STK33: variants seen among roughly 807,000 people sequenced by gnomAD.
The protein encoded by STK33 is serine/threonine-protein kinase 33.
A neutral mutation model predicts 58.0 loss-of-function variants in STK33; 52 were observed. That is an observed-to-expected ratio of 0.90 (90% CI 0.72 to 1.13). The LOEUF (loss-of-function observed/expected upper bound fraction) is 1.13, where lower values mean the gene tolerates loss of function less well. STK33 is among the 50% of genes most tolerant of loss of function. The pLI, the probability that STK33 is intolerant of heterozygous loss-of-function variation, is 0.00. For missense variants in STK33, 630 were observed against 604.2 expected, an observed-to-expected ratio of 1.04 and a Z score of -0.45; for synonymous variants, 215 against 200.1, an observed-to-expected ratio of 1.07 and a Z score of -0.63.
At chr11:8,387,746 G>A (rs1047785697), downstream of STK33, among the ~76,000 whole-genome samples, 6 of 152,168 alleles carry the variant, frequency 3.9e-5, no homozygotes, top group Non-Finnish European at 7.4e-5. Flanking sequence ...CCCTGCAAGG[G>A]CATCTTCCTC....
intron 1 of STK33, among the ~76,000 whole-genome samples, chr11:8,577,012 C>T (rs928431346): frequency 5.9e-5 from 9 of 152,106 alleles, no homozygotes; most frequent in Non-Finnish European, 1.2e-4. Context: ...AGCCTCCCAA[C>T]GTGCTGGGAC....
intron 1 of STK33, among the ~76,000 whole-genome samples, chr11:8,528,482 C>A (rs1954243008): frequency 6.6e-6 from 1 of 152,198 alleles, no homozygotes; most frequent in Non-Finnish European, 1.5e-5. Context: ...ATACTCAGGG[C>A]AACTTCAATC....
At chr11:8,401,842 G>A (rs1363036174) in intron 15 of STK33, among the ~76,000 whole-genome samples, 3 of 152,160 alleles carry the variant, frequency 2.0e-5, no homozygotes, top group Admixed American at 6.5e-5. Flanking sequence ...AGACATTTAC[G>A]CAGCCAAAAG....
intron 1 of STK33, among the ~76,000 whole-genome samples, chr11:8,548,133 C>T (rs915510605): frequency 8.0e-5 from 12 of 150,668 alleles, no homozygotes; most frequent in Non-Finnish European, 1.8e-4. Context: ...GCACGTTGTG[C>T]ACATGTACCC....
chr11:8,525,320 A>G (rs1311259223), intron 1 of STK33, among the ~76,000 whole-genome samples: 1 of 152,228 alleles, frequency 6.6e-6, no homozygotes, highest in Non-Finnish European at 1.5e-5. Context: ...ATCTTAAAGA[A>G]GAAAAAGTGG....
At chr11:8,486,384 C>T (rs1488574708) in intron 1 of STK33, among the ~76,000 whole-genome samples, 1 of 151,972 alleles carries the variant, frequency 6.6e-6, no homozygotes, top group African/African-American at 2.4e-5. Context: ...TTTCTCTAGG[C>T]CTTCTTATGT....
intron 1 of STK33, 24 bp from the exon 2 acceptor site, chr11:8,480,638 T>G (rs1949719512): frequency 6.6e-6 from 1 of 151,978 alleles, no homozygotes; most frequent in Non-Finnish European, 1.5e-5. Flanking sequence ...AGATAAAAAA[T>G]AGAAGAAAAA....
At chr11:8,513,162 T>A (rs1952479687) in intron 1 of STK33, among the ~76,000 whole-genome samples, 1 of 152,088 alleles carries the variant, frequency 6.6e-6, no homozygotes, top group Admixed American at 6.6e-5. Flanking sequence ...AAGCAAGGAG[T>A]CCTGTGCCAT....
chr11:8,455,765 C>T (rs1032272081), intron 9 of STK33, among the ~76,000 whole-genome samples: 6 of 129,538 alleles, frequency 4.6e-5, no homozygotes, highest in Non-Finnish European at 3.1e-5. Flanking sequence ...GAGCCGAGAT[C>T]GTGTCACTGC....
chr11:8,496,726 C>G (rs1371081275), intron 1 of STK33, among the ~76,000 whole-genome samples: 1 of 152,008 alleles, frequency 6.6e-6, no homozygotes, highest in African/African-American at 2.4e-5. Context: ...AGGTGCCCAC[C>G]ACCACGCCCG....
chr11:8,573,444 T>C (rs1327297863), intron 1 of STK33, among the ~76,000 whole-genome samples: 2 of 152,216 alleles, frequency 1.3e-5, no homozygotes, highest in Non-Finnish European at 2.9e-5. Context: ...ATGCTGGTGA[T>C]GATATGGAGA....
intron 1 of STK33, among the ~76,000 whole-genome samples, chr11:8,536,972 A>ATTTTTTTTTTTTTTT (rs1232336873): frequency 3.0e-5 from 2 of 65,734 alleles, no homozygotes; most frequent in Non-Finnish European, 5.0e-5. Context: ...AAAAAAAAAG[A>ATTTTTTTTTTTTTTT]TTTTTTTTTT....
chr11:8,443,827 T>C (rs771913631), intron 11 of STK33, among the ~76,000 whole-genome samples: 2 of 152,064 alleles, frequency 1.3e-5, no homozygotes, highest in Non-Finnish European at 2.9e-5. Flanking sequence ...ATCTCATCTC[T>C]ACTAAAAATT....
intron 6 of STK33, chr11:8,466,523 C>A (rs148023937): frequency 6.6e-6 from 1 of 152,196 alleles, no homozygotes; most frequent in Non-Finnish European, 1.5e-5. Flanking sequence ...AGGTAGGTTC[C>A]CATAGTCTTG....
At chr11:8,342,631 C>T in the STK33 span, among the ~76,000 whole-genome samples, 3 of 152,238 alleles carry the variant, frequency 2.0e-5, no homozygotes, top group East Asian at 1.9e-4. Context: ...AAACACTTTA[C>T]ATCCACTCAT....
chr11:8,470,602 C>T (rs1422172117), intron 6 of STK33, among the ~76,000 whole-genome samples: 1 of 152,214 alleles, frequency 6.6e-6, no homozygotes, highest in Non-Finnish European at 1.5e-5. Context: ...TCAACATGCG[C>T]TCCTCATTAG....
Position 8,464,761 on chromosome 11 carries a change from G to A in STK33, c.401C>T (p.Thr134Ile), listed in dbSNP as rs978186265. The change falls in exon 7 of 16, where the codon ACA becomes ATA. Residue 134 changes from threonine to isoleucine, a missense_variant. Thr to Ile is a moderately conservative substitution (Grantham distance 89). Transcript: ENST00000687296. ...CCACTTCGTTTCTGTTTCCTTGTCT[G>A]TCGCTTCAATGACTATTCCAAAGCT... Reference protein sequence around the residue: ...KGSFGIVIEATDKETETKWAI... With the variant: ...KGSFGIVIEAIDKETETKWAI... 2.5e-6 allele frequency: 4 copies of A among 1,612,144 alleles called. No individual in the cohort carries two copies. The highest frequency in any genetic ancestry group is 3.3e-5 in the Admixed American group (2 of 59,800).
chr11:8,387,736 C>T (rs992037197), downstream of STK33, among the ~76,000 whole-genome samples: 1 of 152,210 alleles, frequency 6.6e-6, no homozygotes, highest in African/African-American at 2.4e-5. Flanking sequence ...GCTGCCACCT[C>T]CCTGCAAGGG....
intron 15 of STK33, among the ~76,000 whole-genome samples, chr11:8,406,015 T>C (rs1181167933): frequency 7.9e-5 from 12 of 151,776 alleles, no homozygotes; most frequent in Admixed American, 5.3e-4. Flanking sequence ...TGGTGGCGGG[T>C]GCCTGTAGTC....
Sources: gnomAD v4.1 joint callset for allele counts (sites outside exome capture counted in the v4.1 genomes callset) on GRCh38, gnomAD v4.1.1 for gene constraint, MANE v1.5 for transcripts, NCBI Gene and HGNC (gene_info 2026-07-23, HGNC 2026-07-21) for gene names.